The following RBPMS variants were observed in gnomAD, a reference collection of about 807,000 sequenced individuals.
The protein encoded by RBPMS is RNA-binding protein with multiple splicing.
RBPMS carries 7 observed loss-of-function variants against 26.8 expected under a neutral mutation model. The observed-to-expected ratio is 0.26, with a 90% CI of 0.15 to 0.49. The LOEUF is 0.49. Among genes scored for constraint, RBPMS ranks in the 20% least tolerant of loss-of-function variants. The pLI is 0.98. For missense variants in RBPMS, 186 were observed against 250.0 expected (o/e 0.74, Z 1.73); for synonymous variants, 96 against 93.3 (o/e 1.03, Z -0.17).
At chr8:30,558,010 A>C (rs568565776) in intron 6 of RBPMS, among the ~76,000 whole-genome samples, 1 of 152,174 alleles carries the variant, frequency 6.6e-6, no homozygotes, top group South Asian at 2.1e-4. Context: ...GATTACAGGC[A>C]TGCATGCCCA....
chr8:30,463,988 A>G lies in RBPMS; in HGVS notation c.67-10791A>G, dbSNP rs188533654. On this transcript the variant is annotated intron_variant, in intron 1 of 8. Transcript: ENST00000397323. ...ACATAGGGAGACCTCATTTCTACAA[A>G]TACAGAAAACAAAAAAATTAGCCAG... Among the ~76,000 whole-genome samples the G allele has an allele frequency of 9.5e-4, 145 of 152,302 alleles. 4 individuals are homozygous for G. The East Asian group carries it at 0.026, about 27-fold the overall frequency.
chr8:30,566,324 C>A lies in RBPMS; in HGVS notation c.*75C>A. On this transcript the variant is annotated 3_prime_UTR_variant, in exon 8 of 9. Coordinates refer to ENST00000397323, the MANE Select transcript of RBPMS (RefSeq NM_001008710.3). Reference sequence around the variant, plus strand: ...TTAATGCAATCTTCAGTGGTGGCTACTGTTCTCTAGCTGTTCTACAAAACT... The same window carrying A: ...TTAATGCAATCTTCAGTGGTGGCTAATGTTCTCTAGCTGTTCTACAAAACT... The A allele has an allele frequency of 1.0e-6, 1 of 984,264 alleles. No homozygotes were observed. The highest frequency in any genetic ancestry group is 1.2e-6 in the Non-Finnish European group (1 of 828,686). The allele number at this position is 984,264 out of a possible 1,614,324, so 61.0% of individuals were successfully genotyped here. A position where few individuals can be genotyped will look rare whatever the true frequency, so the allele number is the denominator to read the frequency against.
chr8:30,483,710 T>G (rs1818506430), intron 4 of RBPMS, among the ~76,000 whole-genome samples: 1 of 152,074 alleles, frequency 6.6e-6, no homozygotes, highest in Non-Finnish European at 1.5e-5. Flanking sequence ...TTTCCAAACT[T>G]TTTCATCAAC....
At chr8:30,475,518 C>T (rs1311809770) in intron 2 of RBPMS, among the ~76,000 whole-genome samples, 2 of 152,156 alleles carry the variant, frequency 1.3e-5, no homozygotes, top group East Asian at 1.9e-4. Flanking sequence ...GGCCTGTGCT[C>T]AGGAAGTCTT....
At chr8:30,570,101 T>C (rs543135669) in intron 8 of RBPMS, among the ~76,000 whole-genome samples, 22 of 152,354 alleles carry the variant, frequency 1.4e-4, no homozygotes, top group African/African-American at 5.3e-4. Context: ...TCCCGTACGC[T>C]ATGTTTCAGT....
intron 5 of RBPMS, among the ~76,000 whole-genome samples, chr8:30,506,917 GAGA>G (rs1430310643): frequency 6.6e-6 from 1 of 152,178 alleles, no homozygotes. Context: ...CTAGACCCTG[GAGA>G]AGAAGGAAAT....
intron 1 of RBPMS, among the ~76,000 whole-genome samples, chr8:30,466,606 T>C (rs1193788550): frequency 1.3e-5 from 2 of 151,054 alleles, no homozygotes; most frequent in Admixed American, 6.6e-5. Flanking sequence ...TCTTTTTTTT[T>C]TTTTTTGAGA....
At chr8:30,496,151 C>T (rs1438463693) in intron 4 of RBPMS, among the ~76,000 whole-genome samples, 1 of 147,546 alleles carries the variant, frequency 6.8e-6, no homozygotes, top group Admixed American at 7.0e-5. Context: ...ATATAACAGC[C>T]TTCAGATACC....
intron 5 of RBPMS, among the ~76,000 whole-genome samples, chr8:30,526,734 A>T (rs1448007218): frequency 1.3e-5 from 2 of 152,348 alleles, no homozygotes; most frequent in African/African-American, 4.8e-5. Context: ...GCTAGGGGTG[A>T]GTTGATGGTG....
chr8:30,535,710 G>A (rs1371647697), intron 5 of RBPMS, among the ~76,000 whole-genome samples: 2 of 152,200 alleles, frequency 1.3e-5, no homozygotes, highest in African/African-American at 4.8e-5. Flanking sequence ...TTACAAGCAT[G>A]TGCCCTGTTC....
intron 4 of RBPMS, among the ~76,000 whole-genome samples, chr8:30,501,649 A>G (rs1300812174): frequency 6.6e-6 from 1 of 152,216 alleles, no homozygotes; most frequent in African/African-American, 2.4e-5. Context: ...CATGTAATAA[A>G]TAGGACACCA....
intron 5 of RBPMS, among the ~76,000 whole-genome samples, chr8:30,515,266 C>T: frequency 6.6e-6 from 1 of 152,178 alleles, no homozygotes. Flanking sequence ...GCCACCACAC[C>T]AGGCCAGGAC....
chr8:30,544,977 C>T (rs1269359750), intron 6 of RBPMS: 2 of 1,453,670 alleles, frequency 1.4e-6, no homozygotes, highest in East Asian at 2.5e-5. Flanking sequence ...GGAAGGGCTG[C>T]AGAGGAAGGT....
intron 5 of RBPMS, among the ~76,000 whole-genome samples, chr8:30,536,614 C>T (rs1291372959): frequency 6.6e-6 from 1 of 152,142 alleles, no homozygotes; most frequent in African/African-American, 2.4e-5. Flanking sequence ...TATACTAAAA[C>T]ACTGTTTTTG....
At chr8:30,461,397 G>A (rs1815877991) in intron 1 of RBPMS, among the ~76,000 whole-genome samples, 2 of 152,086 alleles carry the variant, frequency 1.3e-5, no homozygotes, top group Admixed American at 1.3e-4. Flanking sequence ...CAGTGTGTTT[G>A]TTTGTTTGTT....
intron 4 of RBPMS, among the ~76,000 whole-genome samples, chr8:30,481,475 G>A (rs1818267195): frequency 1.3e-5 from 2 of 152,082 alleles, no homozygotes; most frequent in African/African-American, 4.8e-5. Flanking sequence ...TGTGCCAGCT[G>A]GCCGCAGATC....
At chr8:30,488,636 C>A (rs890569816) in intron 4 of RBPMS, among the ~76,000 whole-genome samples, 5 of 152,202 alleles carry the variant, frequency 3.3e-5, no homozygotes, top group African/African-American at 1.2e-4. Context: ...AAATTTCACC[C>A]TGTCCCCTTG....
At chr8:30,447,409 G>A (rs959450026) in intron 1 of RBPMS, among the ~76,000 whole-genome samples, 6 of 152,200 alleles carry the variant, frequency 3.9e-5, no homozygotes, top group Non-Finnish European at 7.3e-5. Context: ...TTAGCGGTTA[G>A]AATAGTAAAG....
At chr8:30,556,640 C>G (rs1826947533) in intron 6 of RBPMS, 1 of 986,194 alleles carries the variant, frequency 1.0e-6, no homozygotes, top group Non-Finnish European at 1.2e-6. Flanking sequence ...GACCCATCAC[C>G]CTCTACTGTG....
Sources: allele counts gnomAD v4.1 joint callset (sites outside exome capture counted in the v4.1 genomes callset), GRCh38; gene constraint gnomAD v4.1.1; transcripts MANE v1.5; gene names NCBI Gene and HGNC (gene_info 2026-07-23, HGNC 2026-07-21).